ANKFN1: variants seen among roughly 807,000 people sequenced by gnomAD.
ANKFN1 encodes ankyrin repeat and fibronectin type-III domain-containing protein 1.
A neutral mutation model predicts 108.7 loss-of-function variants in ANKFN1; 74 were observed. That is an observed-to-expected ratio of 0.68 (90% confidence interval 0.56 to 0.83). The LOEUF (loss-of-function observed/expected upper bound fraction) is 0.83, where lower values mean the gene tolerates loss of function less well. Ranked by LOEUF, ANKFN1 falls within the 40% of genes least tolerant of loss-of-function variation. ANKFN1 has a pLI of 0.00. For missense variants in ANKFN1, 1,505 were observed against 1,382.3 expected (o/e 1.09, Z -1.41); for synonymous variants, 547 against 516.2 (o/e 1.06, Z -0.81).
intron 15 of ANKFN1, 85 bp downstream of exon 15, chr17:56,466,656 A>C: frequency 1.7e-6 from 2 of 1,177,008 alleles, no homozygotes; most frequent in Admixed American, 4.4e-5. Flanking sequence ...TGCAAGAGCC[A>C]TTTACATATG....
chr17:56,478,509 G>T (rs2050586855), intron 16 of ANKFN1, among the ~76,000 whole-genome samples: 1 of 152,104 alleles, frequency 6.6e-6, no homozygotes, highest in South Asian at 2.1e-4. Context: ...AAGAAAAGAA[G>T]TAACAAGGCC....
intron 8 of ANKFN1, among the ~76,000 whole-genome samples, chr17:56,381,656 C>T (rs1220937367): frequency 7.2e-5 from 11 of 151,814 alleles, no homozygotes; most frequent in South Asian, 2.1e-4. Context: ...CCTCAGGAGC[C>T]GATGCAATCA....
At chr17:56,258,268 C>G (rs2043408648) in intron 3 of ANKFN1, 3 of 152,182 alleles carry the variant, frequency 2.0e-5, no homozygotes, top group Non-Finnish European at 4.4e-5. Context: ...ATGGTCTAAA[C>G]TAGAAATGTT....
chr17:56,436,488 T>C (rs751184627), intron 8 of ANKFN1, among the ~76,000 whole-genome samples: 85 of 152,316 alleles, frequency 5.6e-4, no homozygotes, highest in Non-Finnish European at 1.1e-3. Flanking sequence ...ACTACCTATA[T>C]ACAACTTTCC....
At chr17:56,092,007 C>G (rs373661137) in intron 4 of ANKFN1, among the ~76,000 whole-genome samples, 1 of 151,134 alleles carries the variant, frequency 6.6e-6, no homozygotes, top group African/African-American at 2.4e-5. Context: ...GCTGTTACCT[C>G]GAAAGCTTGC....
At chr17:56,215,033 T>C (rs1915323074) in intron 2 of ANKFN1, among the ~76,000 whole-genome samples, 1 of 152,212 alleles carries the variant, frequency 6.6e-6, no homozygotes, top group Admixed American at 6.5e-5. Flanking sequence ...ATCCACTCAC[T>C]TTTCCAATAT....
At chr17:56,063,902 T>C (rs1027697657) in intron 4 of ANKFN1, among the ~76,000 whole-genome samples, 1 of 152,198 alleles carries the variant, frequency 6.6e-6, no homozygotes, top group East Asian at 1.9e-4. Context: ...TTGAGGCTGC[T>C]GACCCTTGGA....
At chr17:56,190,382 G>A (rs1912782054) in intron 1 of ANKFN1, among the ~76,000 whole-genome samples, 3 of 106,382 alleles carry the variant, frequency 2.8e-5, no homozygotes, top group Non-Finnish European at 1.8e-5. Context: ...ACACTGCTTT[G>A]AATGCGTCCC....
intron 8 of ANKFN1, among the ~76,000 whole-genome samples, chr17:56,407,932 T>TC (rs66535754): frequency 4.5e-5 from 1 of 21,980 alleles, no homozygotes; most frequent in African/African-American, 1.9e-4. Flanking sequence ...CTTTTTTATC[T>TC]TTTTTTTTTT....
intron 4 of ANKFN1, among the ~76,000 whole-genome samples, chr17:56,125,639 T>C (rs1906878849): frequency 6.6e-6 from 1 of 152,210 alleles, no homozygotes; most frequent in Non-Finnish European, 1.5e-5. Context: ...ATTTTACAAA[T>C]GAGGAAACAC....
At chr17:56,396,971 T>A (rs546262009) in intron 8 of ANKFN1, among the ~76,000 whole-genome samples, 1 of 152,206 alleles carries the variant, frequency 6.6e-6, no homozygotes, top group African/African-American at 2.4e-5. Flanking sequence ...AAGCTAAATG[T>A]AGTATATGAA....
chr17:56,158,123 G>A (rs1441237389), intron 1 of ANKFN1, among the ~76,000 whole-genome samples: 2 of 152,164 alleles, frequency 1.3e-5, no homozygotes, highest in African/African-American at 2.4e-5. Context: ...CACTTGCTGG[G>A]AATGCTTCAG....
rs144934949 is a variant in ANKFN1 at position 56,224,623 on chromosome 17, T to C, written c.13-3294T>C. 1.6e-4 allele frequency: 25 copies of C among 152,324 alleles called. No homozygotes were observed. The East Asian group carries it at 4.6e-3, about 28-fold the overall frequency. 9.4% of individuals were successfully genotyped at this position (152,324 alleles called of 1,614,324 possible). ...ATTTCTAAGTGATCTTATTTTCTAA[T>C]GAGTGTCAATTGTAGGTTACAGATG... On this transcript the variant is annotated intron_variant, in intron 2 of 20. Transcript: ENST00000682825.
At chr17:56,354,116 A>G (rs2046317002) in intron 6 of ANKFN1, 70 bp downstream of exon 6, 1 of 1,466,656 alleles carries the variant, frequency 6.8e-7, no homozygotes, top group Non-Finnish European at 9.3e-7. Flanking sequence ...CAAAATAGCC[A>G]TTGCTGACTT....
intron 8 of ANKFN1, among the ~76,000 whole-genome samples, chr17:56,410,097 AT>A (rs961992128): frequency 5.3e-5 from 8 of 152,066 alleles, no homozygotes; most frequent in South Asian, 4.1e-4. Flanking sequence ...ATATTGTTGT[AT>A]TTTTTTGAGA....
chr17:56,486,079 T>C (rs575035285), intron 18 of ANKFN1, among the ~76,000 whole-genome samples: 63 of 152,200 alleles, frequency 4.1e-4, no homozygotes, highest in Non-Finnish European at 7.8e-4. Context: ...CTGTTTTACC[T>C]CTTCACATTG....
chr17:56,459,797 TG>T (rs1293864779), intron 14 of ANKFN1, among the ~76,000 whole-genome samples: 1 of 152,140 alleles, frequency 6.6e-6, no homozygotes, highest in Non-Finnish European at 1.5e-5. Context: ...GATGCAATGA[TG>T]GCCAGTGTGA....
intron 4 of ANKFN1, among the ~76,000 whole-genome samples, chr17:56,057,457 A>G (rs1033509340): frequency 6.6e-6 from 1 of 152,146 alleles, no homozygotes; most frequent in African/African-American, 2.4e-5. Context: ...CACAGTATAT[A>G]CAGCAGCGAT....
chr17:56,073,931 CT>C (rs1905149215), intron 4 of ANKFN1, among the ~76,000 whole-genome samples: 1 of 152,046 alleles, frequency 6.6e-6, no homozygotes, highest in Admixed American at 6.6e-5. Context: ...TTGTTTCCAC[CT>C]TTTGGAGATT....
Sources: gnomAD v4.1 joint callset for allele counts (sites outside exome capture counted in the v4.1 genomes callset) on GRCh38, gnomAD v4.1.1 for gene constraint, MANE v1.5 for transcripts, NCBI Gene and HGNC (gene_info 2026-07-23, HGNC 2026-07-21) for gene names.